Variants in ZBP1 observed in about 807,000 individuals in gnomAD.
ZBP1 encodes the protein Z-DNA binding protein 1.
In ZBP1, 42 loss-of-function variants were observed where a neutral mutation model predicts 41.1. The observed-to-expected ratio is 1.02, with a 90% CI of 0.80 to 1.32. The LOEUF (loss-of-function observed/expected upper bound fraction) is 1.32, where lower values mean the gene tolerates loss of function less well. ZBP1 is among the 40% of genes most tolerant of loss of function. The pLI is 0.00. For synonymous variants in ZBP1, 214 were observed against 205.2 expected (o/e 1.04, Z -0.37); for missense variants, 562 against 549.7 (o/e 1.02, Z -0.22).
Position 57,603,855 on chromosome 20 carries a change from GTTTATTTTTTATTTATGTA to G in ZBP1, c.*699_*717del, listed in dbSNP as rs900667664. On this transcript the variant is annotated 3_prime_UTR_variant, in exon 8 of 8. Coordinates refer to ENST00000371173, the MANE Select transcript of ZBP1 (RefSeq NM_030776.3). This position sits in a 1 kb window ranked among gnomAD's most constrained non-coding sequence, Gnocchi z 4.6. ...ACCACTGCACTGGGGATTATGGTTG[GTTTATTTTTTATTTATGTA>G]TTTATTTTTTTGAGACGGAGTCTCG... 6.4e-6 allele frequency: 1 copy of G among 155,268 alleles called. No individual in the cohort carries two copies. Among genetic ancestry groups the G allele is most frequent in the African/African-American group, 2.6e-5 (1 of 38,784 alleles). The allele number at this position is 155,268 out of a possible 1,614,324, so 9.6% of individuals were successfully genotyped here.
At chr20:57,612,129 G>A (rs989522980) in intron 5 of ZBP1, among the ~76,000 whole-genome samples, 199 bp from the exon 6 acceptor site, 4 of 152,114 alleles carry the variant, frequency 2.6e-5, no homozygotes, top group South Asian at 4.1e-4. Context: ...TCTCAGGAGC[G>A]GGGCTGGTCC....
chr20:57,604,896 A>G (rs1038459965), intron 7 of ZBP1, 127 bp from the exon 8 acceptor site: 14 of 942,554 alleles, frequency 1.5e-5, no homozygotes, highest in Middle Eastern at 6.9e-4. Context: ...AGATTTGTAC[A>G]AAGTCTTGAA....
At chr20:57,605,639 A>G (rs1424132135) in intron 7 of ZBP1, among the ~76,000 whole-genome samples, 1 of 152,220 alleles carries the variant, frequency 6.6e-6, no homozygotes, top group African/African-American at 2.4e-5. Context: ...AGGAAAATTC[A>G]TAACCCTACA....
intron 7 of ZBP1, among the ~76,000 whole-genome samples, chr20:57,608,501 G>A (rs1195406395): frequency 6.6e-6 from 1 of 152,244 alleles, no homozygotes; most frequent in African/African-American, 2.4e-5. Context: ...GAGACCCACA[G>A]GGCTCTGCAG....
At position 57,611,763 on chromosome 20, in the gene ZBP1, C is replaced by T. The variant is rs536878834; in HGVS notation, c.838G>A (p.Glu280Lys). ...CCAGGGGGGATGTGGGCAGGGCCCTCGGACGGGACGCCGTGGAGCCTCATC... is the reference window on the plus strand; with the variant it reads ...CCAGGGGGGATGTGGGCAGGGCCCTTGGACGGGACGCCGTGGAGCCTCATC... ...NEMRLHGVPS[E>K]GPAHIPPGSP... The change falls in exon 6 of 8, where the codon GAG becomes AAG. Residue 280 changes from glutamate (E) to lysine (K), a missense_variant. By Grantham distance (56) the Glu-to-Lys change is moderately conservative. Coordinates refer to ENST00000371173, the MANE Select transcript of ZBP1 (RefSeq NM_030776.3). 85 of 1,612,068 alleles carry T rather than the reference C, an allele frequency of 5.3e-5. No individual in the cohort carries two copies. Among genetic ancestry groups the T allele is most frequent in the Admixed American group, 1.3e-4 (8 of 59,852 alleles).
At chr20:57,615,356 G>T (rs1392074695) in intron 3 of ZBP1, among the ~76,000 whole-genome samples, 156 bp downstream of exon 3, 2 of 152,142 alleles carry the variant, frequency 1.3e-5, no homozygotes, top group Admixed American at 1.3e-4. Context: ...CACTGTGAGG[G>T]CTGGGTCTTG....
At chr20:57,615,606 G>A in intron 2 of ZBP1, 26 bp from the exon 3 acceptor site, 5 of 1,606,878 alleles carry the variant, frequency 3.1e-6, no homozygotes, top group Non-Finnish European at 4.3e-6. Flanking sequence ...TGGGTCAGAG[G>A]GGTGGGGGAC....
At position 57,613,202 on chromosome 20, in the gene ZBP1, CG is replaced by C. The variant is rs1408839808; in HGVS notation, c.630del (p.His210GlnfsTer36). ...ACTGTCTGTCTTGTAATGATGTTCC[CG>C]TGTCCAATCTGGATGGCTTCGGAGT... ...IANSEAIQIG[H>X]GNIITRQTVS... On this transcript the variant is annotated frameshift_variant, in exon 5 of 8. Coordinates refer to ENST00000371173, the MANE Select transcript of ZBP1 (RefSeq NM_030776.3). LOFTEE classifies it high-confidence loss of function. The surrounding 1 kb of genome is among the most constrained non-coding windows in gnomAD (Gnocchi z 4.5). 1 of 1,614,074 alleles carries C rather than the reference CG, an allele frequency of 6.2e-7. No homozygotes were observed. The highest frequency in any genetic ancestry group is 8.5e-7 in the Non-Finnish European group (1 of 1,180,042).
Position 57,616,332 on chromosome 20 carries a change from T to C in ZBP1, c.171A>G (p.Lys57=). The C allele has an allele frequency of 6.2e-7, 1 of 1,614,144 alleles. No homozygotes were observed. The highest frequency in any genetic ancestry group is 8.5e-7 in the Non-Finnish European group (1 of 1,180,024). ...QVLYRMKKEL[K]VSLTSPATWC... ...AGGTGGCAGGGGATGTGAGGGAGACTTTCAACTCCTTTTTCATTCGGTAGA... is the reference window on the plus strand; with the variant it reads ...AGGTGGCAGGGGATGTGAGGGAGACCTTCAACTCCTTTTTCATTCGGTAGA... The change falls in exon 2 of 8, where the codon AAA becomes AAG. Residue 57 remains lysine, a synonymous_variant. Coordinates refer to ENST00000371173, the MANE Select transcript of ZBP1 (RefSeq NM_030776.3).
chr20:57,619,103 A>G (rs1342695834), intron 1 of ZBP1, among the ~76,000 whole-genome samples: 2 of 152,248 alleles, frequency 1.3e-5, no homozygotes, highest in African/African-American at 4.8e-5. Context: ...GGGGAGGAAG[A>G]CAAGAAAAGC....
chr20:57,611,979 T>G (rs746457055), intron 5 of ZBP1, 49 bp from the exon 6 acceptor site: 97 of 1,530,158 alleles, frequency 6.3e-5, no homozygotes, highest in Non-Finnish European at 8.1e-5. Flanking sequence ...TGCAGGCTTC[T>G]TCCTTTCCCT....
chr20:57,618,962 G>A (rs1489294495), intron 1 of ZBP1, among the ~76,000 whole-genome samples: 2 of 152,360 alleles, frequency 1.3e-5, no homozygotes, highest in South Asian at 2.1e-4. Flanking sequence ...GGTCAGAGGT[G>A]TGGATGCAGG....
intron 7 of ZBP1, among the ~76,000 whole-genome samples, chr20:57,606,819 GA>G (rs1255347767): frequency 6.6e-6 from 1 of 152,178 alleles, no homozygotes; most frequent in African/African-American, 2.4e-5. Flanking sequence ...TTACTGCTTA[GA>G]AAACAAAATA....
Position 57,615,103 on chromosome 20 carries a change from G to T in ZBP1, c.329-43C>A, listed in dbSNP as rs767274589. On this transcript the variant is annotated intron_variant, in intron 3 of 7. Transcript: ENST00000371173. ...CAGGTGGTTAGGGAGTAGTCCTAGG[G>T]TTTGCATCTGCCCCACCGCTTCCTA... is the stretch of plus-strand genomic sequence containing the variant. The T allele has an allele frequency of 3.7e-6, 6 of 1,605,226 alleles. No individual in the cohort carries two copies. The South Asian group carries it at 5.5e-5, about 15-fold the overall frequency.
Position 57,614,997 on chromosome 20 carries a change from G to C in ZBP1, c.392C>G (p.Ala131Gly). 1 of 1,614,230 alleles carries C rather than the reference G, an allele frequency of 6.2e-7. No individual in the cohort carries two copies. The highest frequency in any genetic ancestry group is 1.3e-5 in the African/African-American group (1 of 75,046). ...ATCTTTTGCTGTCCTCATTCCCAGTGCTTGGGCGATGACCAGGGCCCTCTG... is the reference window on the plus strand; with the variant it reads ...ATCTTTTGCTGTCCTCATTCCCAGTCCTTGGGCGATGACCAGGGCCCTCTG... ...GPQRALVIAQ[A>G]LGMRTAKDVN... is the part of the protein sequence containing the mutation. The change falls in exon 4 of 8, where the codon GCA (alanine) becomes GGA (glycine). Residue 131 changes from alanine (A) to glycine (G), a missense_variant. Transcript: ENST00000371173.
intron 7 of ZBP1, among the ~76,000 whole-genome samples, chr20:57,606,149 T>C (rs6025658): frequency 0.58 from 87,462 of 151,554 alleles, 25,826 homozygotes; most frequent in African/African-American, 0.71. Flanking sequence ...ATTAAAAGTC[T>C]TACTTCAGCA....
rs1423334621 is a variant in ZBP1 at position 57,610,396 on chromosome 20, G to C, written c.875-29C>G. 10 of 1,611,726 alleles carry C rather than the reference G, an allele frequency of 6.2e-6. No homozygotes were observed. Among genetic ancestry groups the C allele is most frequent in the Non-Finnish European group, 7.6e-6 (9 of 1,178,004 alleles). On this transcript the variant is annotated intron_variant, in intron 6 of 7. Transcript: ENST00000371173. This position sits in a 1 kb window ranked among gnomAD's most constrained non-coding sequence, Gnocchi z 5.5. Reference sequence around the variant, plus strand: ...TGGGTCAAAGGGAGAGAGGCCTGGAGCCAGGAGCAGCTGGACAGTGGCCGG... The same window carrying C: ...TGGGTCAAAGGGAGAGAGGCCTGGACCCAGGAGCAGCTGGACAGTGGCCGG...
intron 7 of ZBP1, among the ~76,000 whole-genome samples, chr20:57,609,513 C>T (rs559058719): frequency 6.6e-5 from 10 of 151,850 alleles, no homozygotes; most frequent in South Asian, 2.1e-4. Flanking sequence ...AAGACAACAG[C>T]GGCTCTCTGT....
At chr20:57,616,725 T>G in intron 1 of ZBP1, 1 of 486,600 alleles carries the variant, frequency 2.1e-6, no homozygotes, top group Non-Finnish European at 3.7e-6. Flanking sequence ...ACCTCGCCTG[T>G]GCCCTCCCCG....
Sources: allele counts gnomAD v4.1 joint callset (sites outside exome capture counted in the v4.1 genomes callset), GRCh38; gene constraint gnomAD v4.1.1; non-coding constraint Gnocchi (gnomAD v3.1); transcripts MANE v1.5; gene names NCBI Gene and HGNC (gene_info 2026-07-23, HGNC 2026-07-21).